CFTR: variants seen among roughly 807,000 people sequenced by gnomAD.
CFTR encodes cystic fibrosis transmembrane conductance regulator.
In CFTR, 181 loss-of-function variants were observed where a neutral mutation model predicts 171.6. That is an observed-to-expected ratio of 1.05 (90% CI 0.93 to 1.19). CFTR has a LOEUF of 1.19. Among genes scored for constraint, CFTR ranks in the 50% most tolerant of loss-of-function variants. CFTR has a pLI of 0.00. For synonymous variants in CFTR, 583 were observed against 608.0 expected, an observed-to-expected ratio of 0.96 and a Z score of 0.60; for missense variants, 1,968 against 1,734.7, an observed-to-expected ratio of 1.13 and a Z score of -2.39.
chr7:117,601,036 A>G (rs1403670162), intron 15 of CFTR, among the ~76,000 whole-genome samples: 1 of 152,070 alleles, frequency 6.6e-6, no homozygotes, highest in African/African-American at 2.4e-5. Context: ...CACTTTGGTT[A>G]TTGTTCCATT....
At position 117,480,089 on chromosome 7, in the gene CFTR, G is replaced by C; in HGVS notation, c.-6G>C. ...CCCTAGCAGGGACCCCAGCGCCCGAGAGACCATGCAGAGGTCGCCTCTGGA... is the reference window on the plus strand; with the variant it reads ...CCCTAGCAGGGACCCCAGCGCCCGACAGACCATGCAGAGGTCGCCTCTGGA... On this transcript the variant is annotated 5_prime_UTR_variant, in exon 1 of 27. Coordinates refer to ENST00000003084, the MANE Select transcript of CFTR (RefSeq NM_000492.4). 1 of 1,613,950 alleles carries C rather than the reference G, an allele frequency of 6.2e-7. No individual in the cohort carries two copies. The highest frequency in any genetic ancestry group is 8.5e-7 in the Non-Finnish European group (1 of 1,179,950).
chr7:117,604,242 G>A (rs1488966788), intron 17 of CFTR, among the ~76,000 whole-genome samples: 1 of 152,022 alleles, frequency 6.6e-6, no homozygotes, highest in Non-Finnish European at 1.5e-5. Context: ...ATATGGTAGG[G>A]GGATCCCAAA....
intron 23 of CFTR, among the ~76,000 whole-genome samples, chr7:117,650,406 G>T (rs1204690799): frequency 1.3e-5 from 2 of 152,118 alleles, no homozygotes; most frequent in Non-Finnish European, 2.9e-5. Context: ...GAGTAGCTTT[G>T]AGAAGAAAGG....
At chr7:117,587,157 C>T (rs1236839085) in intron 11 of CFTR, among the ~76,000 whole-genome samples, 5 of 151,868 alleles carry the variant, frequency 3.3e-5, no homozygotes, top group African/African-American at 7.3e-5. Context: ...GGAGAGAGGT[C>T]GTGAGAATGA....
chr7:117,628,639 T>C (rs1304696565), intron 22 of CFTR, among the ~76,000 whole-genome samples: 1 of 152,168 alleles, frequency 6.6e-6, no homozygotes, highest in Admixed American at 6.6e-5. Context: ...TCACCGTTAC[T>C]AACACTGACA....
intron 1 of CFTR, among the ~76,000 whole-genome samples, chr7:117,503,705 A>G (rs562423864): frequency 2.6e-5 from 4 of 152,338 alleles, no homozygotes; most frequent in Admixed American, 1.3e-4. Flanking sequence ...TGATTCAGAC[A>G]TGATAATTAA....
intron 1 of CFTR, among the ~76,000 whole-genome samples, chr7:117,495,955 A>G (rs957557021): frequency 2.0e-5 from 3 of 152,306 alleles, no homozygotes; most frequent in East Asian, 1.9e-4. Flanking sequence ...AGAGTTGCCT[A>G]TCACCATAAC....
chr7:117,587,902 A>C, intron 12 of CFTR, 69 bp downstream of exon 12: 8 of 936,906 alleles, frequency 8.5e-6, no homozygotes, highest in Non-Finnish European at 1.0e-5. Context: ...AATTACAGAC[A>C]TTTCTCTATT....
At chr7:117,535,525 A>ATT (rs764945997) in intron 6 of CFTR, 114 bp downstream of exon 6, 11,728 of 489,650 alleles carry the variant, frequency 0.024, 5 homozygotes, top group Non-Finnish European at 0.027. Context: ...GTGTCATTAA[A>ATT]TTTTTTTTTT....
rs572479439 is a variant in CFTR at position 117,495,099 on chromosome 7, G to T, written c.54-9154G>T. ...TTCAAATATATTTTTATTGCCAATG[G>T]AAATAAAAATCCTAAATTAGAGAGC... On this transcript the variant is annotated intron_variant, in intron 1 of 26. Coordinates refer to ENST00000003084, the MANE Select transcript of CFTR (RefSeq NM_000492.4). Among the ~76,000 whole-genome samples, 4 of 152,064 alleles carry T rather than the reference G, an allele frequency of 2.6e-5. No homozygotes were observed. In the East Asian group the frequency reaches 7.7e-4, roughly 29 times the overall value.
At chr7:117,535,866 A>G (rs576934617) in intron 6 of CFTR, among the ~76,000 whole-genome samples, 152 of 152,266 alleles carry the variant, frequency 1.0e-3, no homozygotes, top group African/African-American at 3.6e-3. Flanking sequence ...TGTAAATATT[A>G]CTTTCTGTAT....
intron 21 of CFTR, among the ~76,000 whole-genome samples, chr7:117,619,385 C>T (rs569565175): frequency 6.6e-6 from 1 of 152,250 alleles, no homozygotes; most frequent in South Asian, 2.1e-4. Flanking sequence ...AGCCATCTAG[C>T]GATTGATAAA....
At chr7:117,540,931 G>A (rs1202787855) in intron 8 of CFTR, among the ~76,000 whole-genome samples, 1 of 152,012 alleles carries the variant, frequency 6.6e-6, no homozygotes, top group African/African-American at 2.4e-5. Flanking sequence ...AAAATTGGGA[G>A]ATGTCTCACA....
intron 11 of CFTR, among the ~76,000 whole-genome samples, chr7:117,568,739 T>C (rs1192039091): frequency 1.6e-4 from 25 of 152,312 alleles, no homozygotes; most frequent in Non-Finnish European, 1.0e-4. Context: ...ATTAACATTT[T>C]GTGTGTATGC....
At position 117,559,341 on chromosome 7, in the gene CFTR, C is replaced by T. The variant is rs546783282; in HGVS notation, c.1393-123C>T. ...AGGAAGTATTTTAAATATTTTGAAT[C>T]AAATGAGTTAATAGAATCTTTACAA... On this transcript the variant is annotated intron_variant, in intron 10 of 26. Coordinates refer to ENST00000003084, the MANE Select transcript of CFTR (RefSeq NM_000492.4). 244 of 736,340 alleles carry T rather than the reference C, an allele frequency of 3.3e-4. 2 individuals carry two copies. In the South Asian group the frequency reaches 3.6e-3, roughly 11 times the overall value. The allele number at this position is 736,340 out of a possible 1,614,324, so 45.6% of individuals were successfully genotyped here. A position where few individuals can be genotyped will look rare whatever the true frequency, so the allele number is the denominator to read the frequency against.
intron 8 of CFTR, 29 bp downstream of exon 8, chr7:117,540,375 C>G (rs2116684694): frequency 6.3e-7 from 1 of 1,589,702 alleles, no homozygotes; most frequent in Non-Finnish European, 8.6e-7. Context: ...GCATTATATA[C>G]TATGATTTAA....
intron 8 of CFTR, among the ~76,000 whole-genome samples, chr7:117,540,712 T>C (rs1799038835): frequency 6.6e-6 from 1 of 152,246 alleles, no homozygotes; most frequent in South Asian, 2.1e-4. Flanking sequence ...TATGCTTTTT[T>C]GCTGTTTATT....
intron 23 of CFTR, among the ~76,000 whole-genome samples, chr7:117,652,182 C>G (rs1320625374): frequency 6.6e-6 from 1 of 152,056 alleles, no homozygotes; most frequent in African/African-American, 2.4e-5. Context: ...TGCAATGCTC[C>G]ATGCAGGGAA....
At chr7:117,521,127 T>C (rs1166237830) in intron 3 of CFTR, among the ~76,000 whole-genome samples, 1 of 152,024 alleles carries the variant, frequency 6.6e-6, no homozygotes, top group East Asian at 1.9e-4. Context: ...AATGGGATAC[T>C]CATTTAATTA....
Sources: allele counts gnomAD v4.1 joint callset (sites outside exome capture counted in the v4.1 genomes callset), GRCh38; gene constraint gnomAD v4.1.1; transcripts MANE v1.5; gene names NCBI Gene and HGNC (gene_info 2026-07-23, HGNC 2026-07-21).